ETFA: variants seen among roughly 807,000 people sequenced by gnomAD.
The protein encoded by ETFA is electron transfer flavoprotein subunit alpha.
Under a neutral mutation model 46.2 loss-of-function variants are expected in ETFA, and 22 were observed. The observed-to-expected ratio is 0.48, with a 90% confidence interval of 0.34 to 0.68. The LOEUF (loss-of-function observed/expected upper bound fraction) is 0.68, where lower values mean the gene tolerates loss of function less well. ETFA is among the 30% of genes least tolerant of loss of function. ETFA has a pLI of 0.01. For synonymous variants in ETFA, 131 were observed against 139.9 expected, an observed-to-expected ratio of 0.94 and a Z score of 0.45; for missense variants, 345 against 401.1, an observed-to-expected ratio of 0.86 and a Z score of 1.19.
chr15:76,285,859 T>G (rs769913647), intron 6 of ETFA, 121 bp from the exon 7 acceptor site: 66 of 711,702 alleles, frequency 9.3e-5, no homozygotes, highest in Non-Finnish European at 1.5e-4. Context: ...TACTGTGAAT[T>G]TTCAGTGCTC....
chr15:76,291,514 G>A (rs2039762131), intron 4 of ETFA, among the ~76,000 whole-genome samples: 1 of 151,490 alleles, frequency 6.6e-6, no homozygotes, highest in Non-Finnish European at 1.5e-5. Context: ...ACTTTGGGGG[G>A]CCGAGGCGGG....
chr15:76,279,508 C>T (rs1428030137), intron 8 of ETFA, among the ~76,000 whole-genome samples: 1 of 152,140 alleles, frequency 6.6e-6, no homozygotes, highest in Non-Finnish European at 1.5e-5. Flanking sequence ...AACTCCTAGG[C>T]TTAAGCAATC....
intron 9 of ETFA, among the ~76,000 whole-genome samples, chr15:76,241,176 A>G (rs1251216160): frequency 6.6e-6 from 1 of 152,128 alleles, no homozygotes; most frequent in Non-Finnish European, 1.5e-5. Context: ...AGTCTATTAC[A>G]AAGCTTTGCA....
In ETFA at chr15:76,311,447, G is replaced by A. The variant is rs80155214; in HGVS notation, c.-59C>T. The A allele has an allele frequency of 4.2e-5, 64 of 1,535,240 alleles. No homozygotes were observed. The East Asian group carries it at 1.5e-3, about 35-fold the overall frequency. On this transcript the variant is annotated 5_prime_UTR_variant, in exon 1 of 12. Coordinates refer to ENST00000557943, the MANE Select transcript of ETFA (RefSeq NM_000126.4). ...GCAGCCCCGTGCCCGGCCAACTGGC[G>A]CCGCCTCAGCCAGTCACCTAATGCT...
At position 76,231,417 on chromosome 15, in the gene ETFA, C is replaced by A; in HGVS notation, c.817-19G>T. ...AAAGTTCCTGAAATAAAAGAGGTCA[C>A]ATTATTAATATGTATTTATATTATA... On this transcript the variant is annotated intron_variant, in intron 9 of 11. Coordinates refer to ENST00000557943, the MANE Select transcript of ETFA (RefSeq NM_000126.4). The A allele has an allele frequency of 6.7e-7, 1 of 1,495,446 alleles. No individual in the cohort carries two copies. The highest frequency in any genetic ancestry group is 9.3e-7 in the Non-Finnish European group (1 of 1,074,246). The allele number at this position is 1,495,446 out of a possible 1,614,324, so 92.6% of individuals were successfully genotyped here.
chr15:76,255,065 A>C (rs1198478117), intron 9 of ETFA, among the ~76,000 whole-genome samples: 3 of 152,210 alleles, frequency 2.0e-5, no homozygotes, highest in Non-Finnish European at 4.4e-5. Context: ...AGAGAAGACT[A>C]ACTTTCTCAA....
chr15:76,241,855 T>TTTTTTTTTTTTTTTTTTTTTTTCCCA (rs2039195026), intron 9 of ETFA, among the ~76,000 whole-genome samples: 1 of 23,396 alleles, frequency 4.3e-5, no homozygotes. Flanking sequence ...TTTTTTTTTT[T>TTTTTTTTTTTTTTTTTTTTTTTCCCA]GAGATGGAGT....
At chr15:76,224,419 A>G (rs548404170) in intron 11 of ETFA, among the ~76,000 whole-genome samples, 1 of 152,354 alleles carries the variant, frequency 6.6e-6, no homozygotes, top group African/African-American at 2.4e-5. Context: ...AAGTATGCCC[A>G]ACACTGAGCC....
In ETFA at chr15:76,219,794, C is replaced by CT. The variant is rs201443128; in HGVS notation, c.964-3198dup. On this transcript the variant is annotated intron_variant, in intron 11 of 11. Coordinates refer to ENST00000557943, the MANE Select transcript of ETFA (RefSeq NM_000126.4). ...GTCACAATGAGACACCACTTCACAC[C>CT]TACTAGGATGACTAGAATTAAAAAA... Among the ~76,000 whole-genome samples the CT allele has an allele frequency of 3.6e-3, 552 of 152,284 alleles. 3 individuals carry two copies. Among genetic ancestry groups the CT allele is most frequent in the African/African-American group, 0.013 (527 of 41,554 alleles).
At chr15:76,283,123 CA>C (rs201362503) in intron 8 of ETFA, among the ~76,000 whole-genome samples, 1 of 151,630 alleles carries the variant, frequency 6.6e-6, no homozygotes, top group African/African-American at 2.4e-5. Context: ...TTAAGACCAC[CA>C]AAAAAAAGAT....
At chr15:76,244,131 C>T (rs948321606) in intron 9 of ETFA, among the ~76,000 whole-genome samples, 3 of 152,250 alleles carry the variant, frequency 2.0e-5, no homozygotes, top group South Asian at 2.1e-4. Context: ...GTGATTTGCC[C>T]GCCTCAGCCT....
At chr15:76,241,843 ATT>A (rs148112189) in intron 9 of ETFA, among the ~76,000 whole-genome samples, 1 of 111,138 alleles carries the variant, frequency 9.0e-6, no homozygotes, top group African/African-American at 3.5e-5. Flanking sequence ...TGACTATCAA[ATT>A]TTTTTTTTTT....
chr15:76,241,661 A>AT (rs1457194185), intron 9 of ETFA, among the ~76,000 whole-genome samples: 4 of 149,372 alleles, frequency 2.7e-5, no homozygotes, highest in Non-Finnish European at 4.5e-5. Flanking sequence ...TTAGCCAGGC[A>AT]TGGGGGGCGG....
intron 2 of ETFA, among the ~76,000 whole-genome samples, chr15:76,294,067 C>T (rs1166930780): frequency 6.6e-6 from 1 of 152,182 alleles, no homozygotes; most frequent in Non-Finnish European, 1.5e-5. Flanking sequence ...TAAAACCGAA[C>T]TCTATTAAAC....
At chr15:76,283,461 G>A (rs949389443) in intron 8 of ETFA, among the ~76,000 whole-genome samples, 1 of 152,158 alleles carries the variant, frequency 6.6e-6, no homozygotes, top group Non-Finnish European at 1.5e-5. Flanking sequence ...TAAAGTGCTA[G>A]GATTACAGGT....
chr15:76,261,037 G>C, intron 9 of ETFA: 1 of 1,595,410 alleles, frequency 6.3e-7, no homozygotes, highest in Non-Finnish European at 8.6e-7. Flanking sequence ...ACTGCAGGCA[G>C]TGCTTGAAGG....
At chr15:76,228,408 A>G (rs1350737219) in intron 10 of ETFA, among the ~76,000 whole-genome samples, 1 of 151,502 alleles carries the variant, frequency 6.6e-6, no homozygotes, top group African/African-American at 2.4e-5. Flanking sequence ...CCACTCTCCA[A>G]CTCCTGGACT....
intron 10 of ETFA, among the ~76,000 whole-genome samples, chr15:76,226,828 G>A (rs1051668041): frequency 2.0e-5 from 3 of 152,114 alleles, no homozygotes; most frequent in Admixed American, 6.5e-5. Flanking sequence ...GCAGTGAGCC[G>A]AGATCGCGCC....
At chr15:76,305,947 A>G (rs1056345642) in intron 1 of ETFA, among the ~76,000 whole-genome samples, 3 of 151,374 alleles carry the variant, frequency 2.0e-5, no homozygotes, top group African/African-American at 7.3e-5. Context: ...TCCTGGACTC[A>G]AGTGATCCTC....
Sources: allele counts gnomAD v4.1 joint callset (sites outside exome capture counted in the v4.1 genomes callset), GRCh38; gene constraint gnomAD v4.1.1; transcripts MANE v1.5; gene names NCBI Gene and HGNC (gene_info 2026-07-23, HGNC 2026-07-21).